The following NCOA2 variants were observed in gnomAD, a reference collection of about 807,000 sequenced individuals.
The protein encoded by NCOA2 is nuclear receptor coactivator 2.
In NCOA2, 21 loss-of-function variants were observed where a neutral mutation model predicts 145.1. The ratio of observed to expected loss-of-function variants is 0.14; its 90% CI spans 0.10 to 0.21. The LOEUF (loss-of-function observed/expected upper bound fraction) is 0.21, where lower values mean the gene tolerates loss of function less well. NCOA2 is among the 10% of genes least tolerant of loss of function. The pLI is 1.00. For synonymous variants in NCOA2, 619 were observed against 637.5 expected (o/e 0.97, Z 0.44); for missense variants, 1,472 against 1,837.6 (o/e 0.80, Z 3.64).
At chr8:70,413,275 C>T in the NCOA2 span, among the ~76,000 whole-genome samples, 7 of 152,088 alleles carry the variant, frequency 4.6e-5, no homozygotes, top group Non-Finnish European at 1.0e-4. Context: ...ATTCACCTTG[C>T]TGTGCAACCC....
chr8:70,378,829 T>C (rs958643640), intron 1 of NCOA2, among the ~76,000 whole-genome samples: 1 of 151,752 alleles, frequency 6.6e-6, no homozygotes, highest in African/African-American at 2.4e-5. Flanking sequence ...TGACTAGTAA[T>C]TGTGAACACA....
At chr8:70,226,663 TA>T (rs1215409723) in intron 2 of NCOA2, among the ~76,000 whole-genome samples, 45 of 9,484 alleles carry the variant, frequency 4.7e-3, no homozygotes, top group Non-Finnish European at 0.015. Context: ...TAATTATTTA[TA>T]TATATATATA....
At chr8:70,169,300 C>A (rs1257436426) in intron 6 of NCOA2, among the ~76,000 whole-genome samples, 1 of 152,164 alleles carries the variant, frequency 6.6e-6, no homozygotes, top group Non-Finnish European at 1.5e-5. Context: ...TCAGGAAATT[C>A]CAGACAGGGA....
chr8:70,183,279 A>G (rs1361734210), intron 4 of NCOA2, among the ~76,000 whole-genome samples: 3 of 152,244 alleles, frequency 2.0e-5, no homozygotes, highest in African/African-American at 7.2e-5. Flanking sequence ...TCACTTATTC[A>G]GAAGATTATG....
the NCOA2 span, among the ~76,000 whole-genome samples, chr8:70,452,955 T>C: frequency 6.6e-6 from 1 of 152,282 alleles, no homozygotes; most frequent in South Asian, 2.1e-4. Context: ...GATAGAAAAT[T>C]AGCAGTACAG....
intron 1 of NCOA2, among the ~76,000 whole-genome samples, chr8:70,335,018 T>G (rs35045592): frequency 0.37 from 55,359 of 147,924 alleles, 12,287 homozygotes; most frequent in East Asian, 0.7. Flanking sequence ...AGCTACTTGG[T>G]AAGCTGAGGC....
At chr8:70,352,883 T>C (rs923680127) in intron 1 of NCOA2, among the ~76,000 whole-genome samples, 1 of 152,200 alleles carries the variant, frequency 6.6e-6, no homozygotes, top group African/African-American at 2.4e-5. Context: ...TGACTTTGTT[T>C]CTGATTCAAT....
At chr8:70,188,305 T>C (rs979818840) in intron 4 of NCOA2, among the ~76,000 whole-genome samples, 4 of 152,240 alleles carry the variant, frequency 2.6e-5, no homozygotes, top group Non-Finnish European at 4.4e-5. Context: ...GGTGGCAGTT[T>C]GTCAGCTCTG....
chr8:70,201,692 C>T (rs988678462), intron 4 of NCOA2, among the ~76,000 whole-genome samples: 2 of 152,164 alleles, frequency 1.3e-5, no homozygotes, highest in Non-Finnish European at 2.9e-5. Context: ...CTCTATTCTG[C>T]CCATGCCCAA....
At chr8:70,401,869 C>T (rs1814284772) in intron 1 of NCOA2, 1 of 152,274 alleles carries the variant, frequency 6.6e-6, no homozygotes, top group Non-Finnish European at 1.5e-5. Flanking sequence ...TAGAAACCGG[C>T]CTCGGTGAGT....
At chr8:70,125,003 TA>T in intron 19 of NCOA2, 138 bp from the exon 20 acceptor site, 1 of 565,124 alleles carries the variant, frequency 1.8e-6, no homozygotes, top group Non-Finnish European at 2.8e-6. Context: ...ACTGATTAAT[TA>T]CATACATTTA....
chr8:70,160,034 C>T (rs536851116), intron 9 of NCOA2, among the ~76,000 whole-genome samples: 4 of 152,216 alleles, frequency 2.6e-5, no homozygotes, highest in South Asian at 4.2e-4. Flanking sequence ...GTATCTCTTA[C>T]GTATACAATA....
At chr8:70,166,485 T>C in intron 7 of NCOA2, 81 bp downstream of exon 7, 1 of 1,469,174 alleles carries the variant, frequency 6.8e-7, no homozygotes, top group East Asian at 2.3e-5. Context: ...TTTCTTTGGG[T>C]GACCACTAAT....
the NCOA2 span, among the ~76,000 whole-genome samples, chr8:70,447,674 T>G: frequency 7.2e-6 from 1 of 139,456 alleles, no homozygotes; most frequent in Non-Finnish European, 1.5e-5. Context: ...TTCTTAGGTC[T>G]TTGTTTTCTT....
In NCOA2 at chr8:70,255,487, A is replaced by C. The variant is rs78732307; in HGVS notation, c.-19-38723T>G. ...TAACCCAAGCTAACCGATAATTCCC[A>C]GTTTATTTATATTTTACTGTGTAAT... On this transcript the variant is annotated intron_variant, in intron 2 of 22. Transcript: ENST00000452400. Among the ~76,000 whole-genome samples, 838 of 152,320 alleles carry C rather than the reference A, an allele frequency of 5.5e-3. 5 individuals are homozygous for C. The highest frequency in any genetic ancestry group is 0.019 in the African/African-American group (796 of 41,570).
chr8:70,341,068 G>T (rs1358893733), intron 1 of NCOA2, among the ~76,000 whole-genome samples: 1 of 113,934 alleles, frequency 8.8e-6, no homozygotes, highest in African/African-American at 5.3e-5. Flanking sequence ...GTGTACCCCT[G>T]AACTTAAAAA....
chr8:70,308,071 A>T (rs1270823014), intron 1 of NCOA2, among the ~76,000 whole-genome samples: 1 of 152,178 alleles, frequency 6.6e-6, no homozygotes, highest in East Asian at 1.9e-4. Flanking sequence ...AATTTCACTG[A>T]CAAATCAAAG....
chr8:70,161,435 T>C (rs1812986657), intron 9 of NCOA2, among the ~76,000 whole-genome samples: 1 of 152,090 alleles, frequency 6.6e-6, no homozygotes, highest in Non-Finnish European at 1.5e-5. Flanking sequence ...TCTTTCAAAC[T>C]TGAAGAAAAA....
intron 4 of NCOA2, among the ~76,000 whole-genome samples, chr8:70,186,752 T>A (rs572003822): frequency 2.6e-5 from 4 of 152,292 alleles, no homozygotes; most frequent in South Asian, 4.1e-4. Flanking sequence ...GAGTAAGAGA[T>A]CAGGTAAAAC....
Sources: gnomAD v4.1 joint callset for allele counts (sites outside exome capture counted in the v4.1 genomes callset) on GRCh38, gnomAD v4.1.1 for gene constraint, MANE v1.5 for transcripts, NCBI Gene and HGNC (gene_info 2026-07-23, HGNC 2026-07-21) for gene names.